The following PCDHA3 variants were observed in gnomAD, a reference collection of about 807,000 sequenced individuals.
PCDHA3 encodes protocadherin alpha-3.
A neutral mutation model predicts 62.2 loss-of-function variants in PCDHA3; 41 were observed. That is an observed-to-expected ratio of 0.66 (90% CI 0.51 to 0.86). PCDHA3 has a LOEUF of 0.86. Ranked by LOEUF, PCDHA3 falls within the 40% of genes least tolerant of loss-of-function variation. The pLI, the probability that PCDHA3 is intolerant of heterozygous loss-of-function variation, is 0.00. For missense variants in PCDHA3, 1,304 were observed against 1,241.2 expected, an observed-to-expected ratio of 1.05 and a Z score of -0.76; for synonymous variants, 640 against 555.4, an observed-to-expected ratio of 1.15 and a Z score of -2.14.
chr5:140,876,356 T>C, intron 1 of PCDHA3: 1 of 1,613,964 alleles, frequency 6.2e-7, no homozygotes. Flanking sequence ...ATGTTTTCAA[T>C]AAATCCAGAC....
chr5:140,829,713 G>T, intron 1 of PCDHA3: 1 of 1,613,488 alleles, frequency 6.2e-7, no homozygotes, highest in Non-Finnish European at 8.5e-7. Context: ...CGCGACGCGG[G>T]CGTGCCGCCT....
intron 1 of PCDHA3, among the ~76,000 whole-genome samples, chr5:140,966,026 G>C (rs1586101729): frequency 6.6e-6 from 1 of 152,290 alleles, no homozygotes; most frequent in Non-Finnish European, 1.5e-5. Context: ...TGGGAGTCAG[G>C]TGAATAGTTC....
chr5:140,969,074 C>T (rs782163688), intron 1 of PCDHA3: 3 of 1,614,142 alleles, frequency 1.9e-6, no homozygotes, highest in Non-Finnish European at 2.5e-6. Flanking sequence ...CAGGATACCG[C>T]ATGGCCTCAA....
rs28619398 is a variant in PCDHA3 at position 140,895,037 on chromosome 5, C to T, written c.2395-83912C>T. 4.7e-3 allele frequency among the ~76,000 whole-genome samples: 720 copies of T among 152,250 alleles called. 7 individuals are homozygous for T. The highest frequency in any genetic ancestry group is 0.016 in the African/African-American group (670 of 41,558). ...TTTTCCTTTGTTTAATTGTCCCCCA[C>T]CCACACCATTCTGCTTCATATGGAC... is the stretch of plus-strand genomic sequence containing the variant. On this transcript the variant is annotated intron_variant, in intron 1 of 3. Transcript: ENST00000522353.
At chr5:140,805,029 A>G (rs1763495227) in intron 1 of PCDHA3, 1 of 1,581,346 alleles carries the variant, frequency 6.3e-7, no homozygotes, top group Admixed American at 1.7e-5. Flanking sequence ...CTTGAATATA[A>G]TAGAGTCAGC....
At chr5:140,856,761 C>A (rs377564040) in intron 1 of PCDHA3, 2 of 1,596,482 alleles carry the variant, frequency 1.3e-6, no homozygotes, top group African/African-American at 2.7e-5. Context: ...AATGATAACG[C>A]CCCTATCTTT....
At chr5:140,918,889 A>C (rs1057244376) in intron 1 of PCDHA3, among the ~76,000 whole-genome samples, 5 of 152,218 alleles carry the variant, frequency 3.3e-5, no homozygotes, top group African/African-American at 4.8e-5. Context: ...GAACAGTGAA[A>C]AATAAATCTC....
chr5:140,855,100 C>G (rs1054682058), intron 1 of PCDHA3, among the ~76,000 whole-genome samples: 2 of 149,782 alleles, frequency 1.3e-5, no homozygotes, highest in Non-Finnish European at 3.0e-5. Flanking sequence ...TGTGCAGTAG[C>G]AATAATTAAG....
At position 140,801,714 on chromosome 5, in the gene PCDHA3, G is replaced by C. The variant is rs1762768338; in HGVS notation, c.517G>C (p.Asp173His). The C allele has an allele frequency of 6.2e-7, 1 of 1,614,128 alleles. No homozygotes were observed. The highest frequency in any genetic ancestry group is 2.2e-5 in the East Asian group (1 of 44,886). The change falls in exon 1 of 4, where the codon GAT becomes CAT. Residue 173 changes from aspartate to histidine, a missense_variant. Physicochemically the swap from Asp to His is moderately conservative, Grantham distance 81. Coordinates refer to ENST00000522353, the MANE Select transcript of PCDHA3 (RefSeq NM_018906.3). ...AAATTCGTTGTTGACTTACAGTCTT[G>C]ATTCCACTGAATATTTTACCTTGGA... is the stretch of plus-strand genomic sequence containing the variant. ...GTNSLLTYSL[D>H]STEYFTLDVK...
At chr5:140,909,094 T>C (rs1445563506) in intron 1 of PCDHA3, among the ~76,000 whole-genome samples, 1 of 152,196 alleles carries the variant, frequency 6.6e-6, no homozygotes, top group Admixed American at 6.5e-5. Context: ...TACTTCTCAC[T>C]CACTGGGTCC....
chr5:141,008,731 A>G (rs570212555), intron 3 of PCDHA3, among the ~76,000 whole-genome samples: 88 of 152,328 alleles, frequency 5.8e-4, no homozygotes, highest in Non-Finnish European at 1.0e-3. Flanking sequence ...GTCCAACTAG[A>G]CTGTGAGCAC....
intron 1 of PCDHA3, among the ~76,000 whole-genome samples, chr5:140,887,924 G>C (rs782008714): frequency 6.6e-5 from 10 of 152,026 alleles, no homozygotes; most frequent in Admixed American, 6.6e-4. Context: ...TCATTTCAGA[G>C]ACCATATTTA....
chr5:140,811,802 T>C (rs2126631917), intron 1 of PCDHA3: 1 of 152,354 alleles, frequency 6.6e-6, no homozygotes, highest in South Asian at 2.1e-4. Context: ...TGTCTTCTTT[T>C]GAGAAGTGTC....
chr5:140,925,124 A>AGGAAGGAAGGAAGGAAGGAAGGAAGG, intron 1 of PCDHA3, among the ~76,000 whole-genome samples: 1 of 151,856 alleles, frequency 6.6e-6, no homozygotes, highest in Non-Finnish European at 1.5e-5. Flanking sequence ...GAAGGAAGGA[A>AGGAAGGAAGGAAGGAAGGAAGGAAGG]AAAAAATTTC....
At chr5:140,917,552 C>T (rs200211133) in intron 1 of PCDHA3, among the ~76,000 whole-genome samples, 1 of 152,192 alleles carries the variant, frequency 6.6e-6, no homozygotes, top group Non-Finnish European at 1.5e-5. Flanking sequence ...TTACATTTAA[C>T]TCTTTAATCC....
chr5:140,887,561 CT>C (rs2061497104), intron 1 of PCDHA3, among the ~76,000 whole-genome samples: 1 of 151,690 alleles, frequency 6.6e-6, no homozygotes, highest in Non-Finnish European at 1.5e-5. Context: ...ACTGTTAAAA[CT>C]TTTCTTTTTA....
At chr5:140,968,704 G>A (rs782208487) in intron 1 of PCDHA3, 6 of 1,614,002 alleles carry the variant, frequency 3.7e-6, no homozygotes, top group Admixed American at 1.7e-5. Context: ...GGACTACCAG[G>A]AAGATGGGAG....
At chr5:140,957,893 C>T (rs1554223179) in intron 1 of PCDHA3, among the ~76,000 whole-genome samples, 1 of 151,938 alleles carries the variant, frequency 6.6e-6, no homozygotes, top group Non-Finnish European at 1.5e-5. Flanking sequence ...AAGTTGGCAT[C>T]AACCAAGGCA....
chr5:140,942,122 G>A (rs2093234713), intron 1 of PCDHA3, among the ~76,000 whole-genome samples: 1 of 152,064 alleles, frequency 6.6e-6, no homozygotes, highest in Non-Finnish European at 1.5e-5. Flanking sequence ...TTTATTAAAG[G>A]TGATATTTGT....
Sources: gnomAD v4.1 joint callset for allele counts (sites outside exome capture counted in the v4.1 genomes callset) on GRCh38, gnomAD v4.1.1 for gene constraint, MANE v1.5 for transcripts, NCBI Gene and HGNC (gene_info 2026-07-23, HGNC 2026-07-21) for gene names.